The following MACROD2 variants were observed in gnomAD, a reference collection of about 807,000 sequenced individuals.
MACROD2 encodes mono-ADP ribosylhydrolase 2.
MACROD2 carries 36 observed loss-of-function variants against 70.4 expected under a neutral mutation model. That is an observed-to-expected ratio of 0.51 (90% CI 0.39 to 0.68). MACROD2 has a LOEUF of 0.68. Among genes scored for constraint, MACROD2 ranks in the 30% least tolerant of loss-of-function variants. The pLI is 0.00. For synonymous variants in MACROD2, 172 were observed against 178.8 expected (o/e 0.96, Z 0.30); for missense variants, 496 against 538.4 (o/e 0.92, Z 0.78).
chr20:14,844,989 C>T (rs2122288802), intron 5 of MACROD2, among the ~76,000 whole-genome samples: 2 of 152,180 alleles, frequency 1.3e-5, no homozygotes, highest in Admixed American at 1.3e-4. Context: ...AAATGCCTTC[C>T]CAGCCACAAT....
intron 7 of MACROD2, among the ~76,000 whole-genome samples, chr20:15,454,446 CACACACA>C (rs2046692354): frequency 1.7e-5 from 2 of 118,516 alleles, no homozygotes; most frequent in African/African-American, 6.4e-5. Context: ...CACACACACA[CACACACA>C]CCCTTATTAT....
chr20:14,820,338 T>A (rs1430410238), intron 5 of MACROD2, among the ~76,000 whole-genome samples: 1 of 148,948 alleles, frequency 6.7e-6, no homozygotes, highest in Non-Finnish European at 1.5e-5. Context: ...GGTGGTGGGA[T>A]TAGGAATAAT....
intron 3 of MACROD2, among the ~76,000 whole-genome samples, chr20:14,461,587 T>A (rs148814076): frequency 6.6e-6 from 1 of 151,968 alleles, no homozygotes; most frequent in South Asian, 2.1e-4. Flanking sequence ...ACCTGTGCCA[T>A]GTTGTTGTGC....
intron 4 of MACROD2, chr20:14,621,772 C>A (rs544841384): frequency 6.6e-6 from 1 of 152,016 alleles, no homozygotes; most frequent in Non-Finnish European, 1.5e-5. Context: ...GTAGATTCTC[C>A]GTTGGGAAGT....
At chr20:14,642,322 C>G (rs1419083415) in intron 4 of MACROD2, among the ~76,000 whole-genome samples, 2 of 152,148 alleles carry the variant, frequency 1.3e-5, no homozygotes, top group South Asian at 2.1e-4. Flanking sequence ...CCAGACCACT[C>G]ACACTTTCTC....
chr20:14,788,580 C>CG (rs1491231900), intron 5 of MACROD2, among the ~76,000 whole-genome samples: 6 of 73,282 alleles, frequency 8.2e-5, no homozygotes, highest in African/African-American at 2.8e-4. Flanking sequence ...GATCACATCT[C>CG]AAAAAAAAAA....
intron 5 of MACROD2, among the ~76,000 whole-genome samples, chr20:14,877,465 C>T (rs1423701280): frequency 6.6e-6 from 1 of 152,040 alleles, no homozygotes; most frequent in Non-Finnish European, 1.5e-5. Context: ...CCTGATAGCT[C>T]TGGCTAGGAC....
At chr20:15,464,611 C>A (rs1397423047) in intron 7 of MACROD2, among the ~76,000 whole-genome samples, 1 of 152,202 alleles carries the variant, frequency 6.6e-6, no homozygotes, top group African/African-American at 2.4e-5. Flanking sequence ...TTCTAAAACT[C>A]TTTTGCCTTA....
intron 8 of MACROD2, among the ~76,000 whole-genome samples, chr20:15,637,900 C>T (rs1166530108): frequency 6.6e-6 from 1 of 152,120 alleles, no homozygotes; most frequent in Non-Finnish European, 1.5e-5. Context: ...TAATAAGTAA[C>T]TAAAGTTTAC....
At chr20:15,159,891 G>A (rs2076335802) in intron 5 of MACROD2, among the ~76,000 whole-genome samples, 2 of 151,980 alleles carry the variant, frequency 1.3e-5, no homozygotes, top group South Asian at 4.1e-4. Context: ...GTTGGATCTT[G>A]GGGCGTTTGA....
intron 3 of MACROD2, among the ~76,000 whole-genome samples, chr20:14,221,930 C>A (rs2081678601): frequency 6.6e-6 from 1 of 152,140 alleles, no homozygotes; most frequent in African/African-American, 2.4e-5. Flanking sequence ...AATGAGATAT[C>A]ATCTTATACC....
intron 3 of MACROD2, among the ~76,000 whole-genome samples, chr20:14,370,409 T>G (rs2083311091): frequency 6.6e-6 from 1 of 152,222 alleles, no homozygotes; most frequent in African/African-American, 2.4e-5. Flanking sequence ...TGTTTGGGTT[T>G]GGGAATACCA....
At chr20:14,359,073 A>T (rs2083198741) in intron 3 of MACROD2, among the ~76,000 whole-genome samples, 1 of 152,120 alleles carries the variant, frequency 6.6e-6, no homozygotes. Context: ...CTGTAGTCCC[A>T]GCTACTTGGC....
chr20:15,630,757 T>C (rs1336128864), intron 8 of MACROD2, among the ~76,000 whole-genome samples: 3 of 152,236 alleles, frequency 2.0e-5, no homozygotes, highest in Non-Finnish European at 4.4e-5. Context: ...TAACTCTTTG[T>C]GAATTACCCT....
intron 5 of MACROD2, among the ~76,000 whole-genome samples, chr20:15,169,959 A>C (rs2076411642): frequency 6.6e-6 from 1 of 152,200 alleles, no homozygotes; most frequent in Non-Finnish European, 1.5e-5. Flanking sequence ...TTGTTGGAAT[A>C]CTGGGATTAA....
chr20:15,298,486 G>T (rs1481093349), intron 6 of MACROD2, among the ~76,000 whole-genome samples: 3 of 152,134 alleles, frequency 2.0e-5, no homozygotes, highest in East Asian at 1.9e-4. Flanking sequence ...GAAGAGTAAG[G>T]GTTACATTCA....
At chr20:14,757,020 G>A (rs1436335294) in intron 5 of MACROD2, among the ~76,000 whole-genome samples, 1 of 152,082 alleles carries the variant, frequency 6.6e-6, no homozygotes, top group Admixed American at 6.5e-5. Flanking sequence ...CCATGCAGAA[G>A]TCAATTAAAC....
At chr20:15,920,308 G>C (rs1358123365) in intron 10 of MACROD2, among the ~76,000 whole-genome samples, 1 of 152,038 alleles carries the variant, frequency 6.6e-6, no homozygotes, top group Non-Finnish European at 1.5e-5. Flanking sequence ...TATGACATAA[G>C]GAGAACAGAT....
chr20:15,227,830 T>TG (rs2076922106), intron 5 of MACROD2, among the ~76,000 whole-genome samples: 2 of 121,860 alleles, frequency 1.6e-5, no homozygotes, highest in South Asian at 2.8e-4. Context: ...CCTGTTTTTT[T>TG]TTTTTTTTTT....
Sources: allele counts gnomAD v4.1 joint callset (sites outside exome capture counted in the v4.1 genomes callset), GRCh38; gene constraint gnomAD v4.1.1; transcripts MANE v1.5; gene names NCBI Gene and HGNC (gene_info 2026-07-23, HGNC 2026-07-21).